Variants in CCDC158 observed in about 807,000 individuals in gnomAD.
The protein encoded by CCDC158 is coiled-coil domain-containing protein 158.
Under a neutral mutation model 138.6 loss-of-function variants are expected in CCDC158, and 116 were observed. That is an observed-to-expected ratio of 0.84 (90% CI 0.72 to 0.98). The LOEUF is 0.98. Ranked by LOEUF, CCDC158 falls within the 50% of genes least tolerant of loss-of-function variation. CCDC158 has a pLI of 0.00. For missense variants in CCDC158, 1,265 were observed against 1,306.1 expected (o/e 0.97, Z 0.48); for synonymous variants, 436 against 442.4 (o/e 0.99, Z 0.18).
At chr4:76,365,179 TAA>T (rs1724535523) in intron 12 of CCDC158, among the ~76,000 whole-genome samples, 1 of 152,168 alleles carries the variant, frequency 6.6e-6, no homozygotes, top group Non-Finnish European at 1.5e-5. Context: ...GTTATTGAAA[TAA>T]AAGTCACTCT....
chr4:76,319,021 C>T (rs1719684419), intron 24 of CCDC158, among the ~76,000 whole-genome samples: 2 of 152,018 alleles, frequency 1.3e-5, no homozygotes, highest in Admixed American at 1.3e-4. Flanking sequence ...GCCTGTAATC[C>T]CAGCACTTTA....
intron 18 of CCDC158, among the ~76,000 whole-genome samples, chr4:76,340,566 T>A (rs956998805): frequency 6.6e-6 from 1 of 152,148 alleles, no homozygotes; most frequent in Non-Finnish European, 1.5e-5. Context: ...ATTTCCAACA[T>A]CCTATCTTTG....
Position 76,313,172 on chromosome 4 carries a change from A to G in CCDC158, c.3352T>C (p.Ter1118ArgextTer11), listed in dbSNP as rs918140392. The change falls in exon 25 of 25, where the codon TGA becomes CGA. Residue 1118 changes from the stop codon to arginine, a stop_lost. Transcript: ENST00000682701. ...VKDQEKMLLK[*>R] ...GTAAAGAATAGGCAAGCAACGAGTC[A>G]TTTTAGTAACATTTTTTCCTGGTCT... 2 of 1,597,794 alleles carry G rather than the reference A, an allele frequency of 1.3e-6. No individual in the cohort carries two copies. The highest frequency in any genetic ancestry group is 2.7e-5 in the African/African-American group (2 of 74,388).
chr4:76,337,860 C>T (rs1365197803), intron 18 of CCDC158, among the ~76,000 whole-genome samples: 3 of 152,170 alleles, frequency 2.0e-5, no homozygotes, highest in Non-Finnish European at 2.9e-5. Flanking sequence ...AACAAAGGAT[C>T]CTGCTCTCCC....
chr4:76,326,403 T>A (rs1720534792), intron 22 of CCDC158, among the ~76,000 whole-genome samples: 1 of 152,014 alleles, frequency 6.6e-6, no homozygotes, highest in African/African-American at 2.4e-5. Context: ...TAACCAGGCA[T>A]ATAAGGAGAC....
chr4:76,341,906 C>A (rs1413680707), intron 18 of CCDC158, among the ~76,000 whole-genome samples: 1 of 152,092 alleles, frequency 6.6e-6, no homozygotes, highest in African/African-American at 2.4e-5. Flanking sequence ...TAATGAAATA[C>A]AATAATAGTT....
chr4:76,324,826 A>G (rs1367691374), intron 23 of CCDC158, among the ~76,000 whole-genome samples: 1 of 152,174 alleles, frequency 6.6e-6, no homozygotes, highest in African/African-American at 2.4e-5. Flanking sequence ...TTTCTGAGGC[A>G]AGTATACCCT....
intron 9 of CCDC158, among the ~76,000 whole-genome samples, chr4:76,373,524 T>A (rs773310377): frequency 1.3e-5 from 2 of 152,194 alleles, no homozygotes; most frequent in African/African-American, 4.8e-5. Flanking sequence ...TAAGACTAAC[T>A]TTTTCTTGAG....
chr4:76,346,790 G>C (rs1001774971), intron 18 of CCDC158, among the ~76,000 whole-genome samples: 9 of 151,950 alleles, frequency 5.9e-5, no homozygotes, highest in African/African-American at 2.2e-4. Flanking sequence ...TCTGACAAAG[G>C]GCTAATATCC....
rs796808162 is a variant in CCDC158 at position 76,410,882 on chromosome 4, A to G, written c.-74+1208T>C. On this transcript the variant is annotated intron_variant, in intron 2 of 24. Coordinates refer to ENST00000682701, the MANE Select transcript of CCDC158 (RefSeq NM_001394954.1). ...TGTTGTAATCCTAGCTCTGTGATCT[A>G]CTAGCTGTGCCACCTTGAGAACAAT... Among the ~76,000 whole-genome samples, 3 of 152,186 alleles carry G rather than the reference A, an allele frequency of 2.0e-5. No homozygotes were observed. In the South Asian group the frequency reaches 6.2e-4, roughly 32 times the overall value.
intron 24 of CCDC158, among the ~76,000 whole-genome samples, chr4:76,321,827 T>C (rs903621469): frequency 1.3e-5 from 2 of 148,516 alleles, no homozygotes; most frequent in African/African-American, 4.9e-5. Flanking sequence ...TACTCAGCCA[T>C]AAAAAGGAAT....
At position 76,403,119 on chromosome 4, in the gene CCDC158, T is replaced by G; in HGVS notation, c.70+19A>C. On this transcript the variant is annotated intron_variant, in intron 3 of 24. Transcript: ENST00000682701. ...TTAATTCTATTTTTTCCCCATTTTGTTTTATAAACAGCACATACCTCCATT... is the reference window on the plus strand; with the variant it reads ...TTAATTCTATTTTTTCCCCATTTTGGTTTATAAACAGCACATACCTCCATT... 1 of 1,561,130 alleles carries G rather than the reference T, an allele frequency of 6.4e-7. No individual in the cohort carries two copies. Among genetic ancestry groups the G allele is most frequent in the South Asian group, 1.2e-5 (1 of 86,762 alleles).
intron 9 of CCDC158, among the ~76,000 whole-genome samples, chr4:76,372,149 T>A (rs1725309274): frequency 6.6e-6 from 1 of 152,186 alleles, no homozygotes; most frequent in African/African-American, 2.4e-5. Flanking sequence ...AATTTGGTAT[T>A]TAAGAAAGCT....
chr4:76,367,170 TA>T, intron 12 of CCDC158, 123 bp downstream of exon 12: 1 of 1,080,774 alleles, frequency 9.3e-7, no homozygotes, highest in South Asian at 1.6e-5. Context: ...CATATACACA[TA>T]GAAACAAACA....
intron 18 of CCDC158, among the ~76,000 whole-genome samples, chr4:76,341,596 C>A (rs1722052989): frequency 6.6e-6 from 1 of 152,138 alleles, no homozygotes; most frequent in Non-Finnish European, 1.5e-5. Flanking sequence ...AAAATCAATT[C>A]TATCATCCTA....
chr4:76,404,034 G>T (rs1728620475), intron 2 of CCDC158, among the ~76,000 whole-genome samples: 1 of 152,160 alleles, frequency 6.6e-6, no homozygotes, highest in Non-Finnish European at 1.5e-5. Flanking sequence ...TGGGGTAAGG[G>T]TTTGAAGAAG....
intron 2 of CCDC158, among the ~76,000 whole-genome samples, chr4:76,410,010 G>GT (rs1729168610): frequency 6.6e-6 from 1 of 151,714 alleles, no homozygotes; most frequent in Admixed American, 6.6e-5. Context: ...GAGATAAAGC[G>GT]TTTAAAAGTA....
chr4:76,327,120 A>G (rs1169756157), intron 22 of CCDC158, among the ~76,000 whole-genome samples: 1 of 152,154 alleles, frequency 6.6e-6, no homozygotes, highest in Non-Finnish European at 1.5e-5. Flanking sequence ...ATTCATTTAT[A>G]TCAATATAAT....
rs759269423 is a variant in CCDC158, at chr4:76,383,599, GAAACA to G, written c.803+58_803+62del. On this transcript the variant is annotated intron_variant, in intron 7 of 24. Transcript: ENST00000682701. ...CTGTTTAGATTTTGGAATTGTGGCC[GAAACA>G]CTGTAAAACTGTGGTTTAGTTTCGC... 7.4e-6 allele frequency: 9 copies of G among 1,217,354 alleles called. No individual in the cohort carries two copies. The Admixed American group carries it at 1.2e-4, about 16-fold the overall frequency. The allele number at this position is 1,217,354 out of a possible 1,614,324, so 75.4% of individuals were successfully genotyped here. A position where few individuals can be genotyped will look rare whatever the true frequency, so the allele number is the denominator to read the frequency against.
Sources: gnomAD v4.1 joint callset for allele counts (sites outside exome capture counted in the v4.1 genomes callset) on GRCh38, gnomAD v4.1.1 for gene constraint, MANE v1.5 for transcripts, NCBI Gene and HGNC (gene_info 2026-07-23, HGNC 2026-07-21) for gene names.